SCMH1: variants seen among roughly 807,000 people sequenced by gnomAD.
SCMH1 encodes the protein Scm polycomb group protein homolog 1.
A neutral mutation model predicts 70.8 loss-of-function variants in SCMH1; 37 were observed. The observed-to-expected ratio is 0.52, with a 90% confidence interval of 0.40 to 0.69. The LOEUF (loss-of-function observed/expected upper bound fraction) is 0.69, where lower values mean the gene tolerates loss of function less well. Ranked by LOEUF, SCMH1 falls within the 30% of genes least tolerant of loss-of-function variation. SCMH1 has a pLI of 0.00. For synonymous variants in SCMH1, 292 were observed against 307.4 expected (o/e 0.95, Z 0.52); for missense variants, 607 against 827.3 (o/e 0.73, Z 3.27).
At chr1:41,130,012 T>G (rs1674236685) in intron 6 of SCMH1, among the ~76,000 whole-genome samples, 1 of 152,202 alleles carries the variant, frequency 6.6e-6, no homozygotes, top group Admixed American at 6.5e-5. Context: ...GTTTTTTTCC[T>G]AATACCCATC....
chr1:41,146,639 T>C (rs998740791), intron 5 of SCMH1, among the ~76,000 whole-genome samples: 2 of 152,158 alleles, frequency 1.3e-5, no homozygotes, highest in African/African-American at 4.8e-5. Context: ...AGTATAGTAA[T>C]ATGCTGGACA....
chr1:41,151,229 G>C (rs1489544936), intron 5 of SCMH1, among the ~76,000 whole-genome samples: 3 of 152,164 alleles, frequency 2.0e-5, no homozygotes, highest in Non-Finnish European at 1.5e-5. Context: ...CATTCTTGTA[G>C]AAAGATAAGA....
At chr1:41,186,305 A>C (rs1316519532) in intron 1 of SCMH1, 55 bp from the exon 2 acceptor site, 1 of 493,502 alleles carries the variant, frequency 2.0e-6, no homozygotes, top group Non-Finnish European at 3.8e-6. Flanking sequence ...CCTGTAAAGT[A>C]CTGAGATCTC....
intron 8 of SCMH1, among the ~76,000 whole-genome samples, chr1:41,091,860 T>A (rs532648599): frequency 6.6e-6 from 1 of 151,886 alleles, no homozygotes; most frequent in East Asian, 1.9e-4. Flanking sequence ...CACTGCTCAA[T>A]GAAATAAAAG....
At chr1:41,196,296 C>A (rs543871622) in intron 1 of SCMH1, among the ~76,000 whole-genome samples, 1 of 152,094 alleles carries the variant, frequency 6.6e-6, no homozygotes, top group East Asian at 1.9e-4. Context: ...AGAAAACTTA[C>A]ACTTTCTAAT....
At chr1:41,235,548 G>A (rs1186259584) in intron 1 of SCMH1, among the ~76,000 whole-genome samples, 4 of 133,786 alleles carry the variant, frequency 3.0e-5, no homozygotes, top group African/African-American at 8.5e-5. Context: ...TCCAGCCTGG[G>A]AGTCAGAATG....
rs1198738337 is a variant in SCMH1 at position 41,160,906 on chromosome 1, A to G, written c.83-8T>C. 6.5e-7 allele frequency: 1 copy of G among 1,550,086 alleles called. No homozygotes were observed. The stretch of plus-strand genomic sequence containing the variant: ...CCAGGATGTCAGCAGCTTCTAGTAA[A>G]GAAAAAAATGTTGGAGCATAAGTCA... On this transcript the variant is annotated splice_region_variant and splice_polypyrimidine_tract_variant and intron_variant, in intron 3 of 14. Coordinates refer to ENST00000337495, the Ensembl canonical transcript of SCMH1.
intron 2 of SCMH1, among the ~76,000 whole-genome samples, chr1:41,179,743 G>C (rs530787897): frequency 6.6e-6 from 1 of 152,148 alleles, no homozygotes; most frequent in Non-Finnish European, 1.5e-5. Flanking sequence ...ACGAAAAAAA[G>C]TCCTGGACCA....
intron 1 of SCMH1, among the ~76,000 whole-genome samples, chr1:41,197,204 A>C (rs190397177): frequency 3.0e-4 from 45 of 152,290 alleles, no homozygotes; most frequent in African/African-American, 1.1e-3. Context: ...TTATATACCT[A>C]AAAGAACTGA....
At chr1:41,230,054 G>A (rs554270128) in intron 1 of SCMH1, among the ~76,000 whole-genome samples, 2 of 152,238 alleles carry the variant, frequency 1.3e-5, no homozygotes, top group South Asian at 2.1e-4. Flanking sequence ...CACTATGTGA[G>A]GCTAAGAAGG....
At chr1:41,083,662 C>T (rs1360084888) in intron 8 of SCMH1, among the ~76,000 whole-genome samples, 5 of 152,114 alleles carry the variant, frequency 3.3e-5, no homozygotes, top group African/African-American at 4.8e-5. Context: ...GAGCCCGCAT[C>T]GCCAAGTCAA....
chr1:41,159,996 A>G (rs550761653), intron 4 of SCMH1: 1 of 383,876 alleles, frequency 2.6e-6, no homozygotes, highest in South Asian at 1.1e-4. Context: ...TAAGGATCAG[A>G]GTCACAAAGT....
At chr1:41,096,427 A>C (rs1274641562) in intron 8 of SCMH1, among the ~76,000 whole-genome samples, 1 of 152,224 alleles carries the variant, frequency 6.6e-6, no homozygotes, top group Non-Finnish European at 1.5e-5. Context: ...AATAGATAAT[A>C]GTACTTACCT....
chr1:41,156,953 C>G (rs1446652086), intron 4 of SCMH1, among the ~76,000 whole-genome samples: 3 of 110,854 alleles, frequency 2.7e-5, no homozygotes, highest in Non-Finnish European at 5.3e-5. Context: ...TATAAGCCAA[C>G]TTTTTTTTTT....
chr1:41,091,146 G>A (rs1031935609), intron 8 of SCMH1, among the ~76,000 whole-genome samples: 3 of 151,666 alleles, frequency 2.0e-5, no homozygotes, highest in African/African-American at 7.3e-5. Context: ...ATAAAATACT[G>A]GCAAACCGAA....
chr1:41,060,790 C>A lies in SCMH1; in HGVS notation c.1105+9805G>T, dbSNP rs139851017. Among the ~76,000 whole-genome samples, 175 of 152,230 alleles carry A rather than the reference C, an allele frequency of 1.1e-3. 1 individual carries two copies. The highest frequency in any genetic ancestry group is 3.8e-3 in the African/African-American group (157 of 41,546). ...CTCCTGAGTAGCTTGGGGCTACAGGCATGCACCACCATGCTTGATTAATTT... is the reference window on the plus strand; with the variant it reads ...CTCCTGAGTAGCTTGGGGCTACAGGAATGCACCACCATGCTTGATTAATTT... On this transcript the variant is annotated intron_variant, in intron 10 of 14. Transcript: ENST00000337495.
chr1:41,196,532 CA>C (rs1164635935), intron 1 of SCMH1, among the ~76,000 whole-genome samples: 2 of 152,006 alleles, frequency 1.3e-5, no homozygotes, highest in Non-Finnish European at 2.9e-5. Flanking sequence ...ATACCATATA[CA>C]AAAAAATTAA....
intron 9 of SCMH1, among the ~76,000 whole-genome samples, chr1:41,073,415 T>C (rs978671077): frequency 7.2e-5 from 11 of 152,330 alleles, no homozygotes; most frequent in Admixed American, 5.2e-4. Context: ...TTCTCTGGCC[T>C]TGGCATCCTT....
intron 9 of SCMH1, among the ~76,000 whole-genome samples, chr1:41,072,470 C>A (rs1027105339): frequency 5.3e-5 from 8 of 152,190 alleles, no homozygotes; most frequent in Non-Finnish European, 1.2e-4. Context: ...GAGAAGCCTT[C>A]CCAAAGTCAC....
Sources: gnomAD v4.1 joint callset for allele counts (sites outside exome capture counted in the v4.1 genomes callset) on GRCh38, gnomAD v4.1.1 for gene constraint, MANE v1.5 for transcripts, NCBI Gene and HGNC (gene_info 2026-07-23, HGNC 2026-07-21) for gene names.